Variants in FBN3 observed in about 807,000 individuals in gnomAD.
FBN3 encodes the protein fibrillin 3, also known as fibrillin-3.
In FBN3, 234 loss-of-function variants were observed where a neutral mutation model predicts 330.1. That is an observed-to-expected ratio of 0.71 (90% confidence interval 0.64 to 0.79). The LOEUF (loss-of-function observed/expected upper bound fraction) is 0.79. FBN3 is among the 30% of genes least tolerant of loss of function. The pLI, the probability that FBN3 is intolerant of heterozygous loss-of-function variation, is 0.00. For synonymous variants in FBN3, 1,458 were observed against 1,517.3 expected (o/e 0.96, Z 0.91); for missense variants, 3,606 against 3,886.9 (o/e 0.93, Z 1.92).
intron 41 of FBN3, among the ~76,000 whole-genome samples, chr19:8,097,772 TATGGG>T (rs2082242808): frequency 6.6e-6 from 1 of 152,160 alleles, no homozygotes; most frequent in Non-Finnish European, 1.5e-5. Flanking sequence ...CAGAGCAAAA[TATGGG>T]ATGTCTGTAC....
chr19:8,092,707 CAAAAAAAAAAAAAA>C (rs33973797), intron 47 of FBN3, among the ~76,000 whole-genome samples: 1 of 70,156 alleles, frequency 1.4e-5, no homozygotes, highest in Non-Finnish European at 2.7e-5. Context: ...GAGACTCCAC[CAAAAAAAAAAAAAA>C]AAAAAAAAAA....
chr19:8,136,424 C>A lies in FBN3; in HGVS notation c.1309G>T (p.Val437Leu). 1 of 1,614,142 alleles carries A rather than the reference C, an allele frequency of 6.2e-7. No individual in the cohort carries two copies. Among genetic ancestry groups the A allele is most frequent in the Non-Finnish European group, 8.5e-7 (1 of 1,180,006 alleles). Residue 437 changes from valine to leucine, a missense_variant, in exon 11 of 64, where the codon GTG (valine) becomes TTG (leucine). By Grantham distance (32) the Val-to-Leu change is conservative. Coordinates refer to ENST00000600128, the MANE Select transcript of FBN3 (RefSeq NM_032447.5). The stretch of plus-strand genomic sequence containing the variant: ...CCGCGCACGTCCTGGGTGTAGCCCA[C>A]GTTACACTCGCAGCGGTAGCTGGAA... ...TPSSYRCECN[V>L]GYTQDVRGEC...
chr19:8,144,401 AAGAG>A, intron 6 of FBN3, among the ~76,000 whole-genome samples: 1 of 151,564 alleles, frequency 6.6e-6, no homozygotes, highest in Non-Finnish European at 1.5e-5. Flanking sequence ...TCAAAAAAAA[AAGAG>A]AGAATTAGGG....
At chr19:8,082,374 C>A (rs2081816180) in intron 57 of FBN3, among the ~76,000 whole-genome samples, 1 of 143,854 alleles carries the variant, frequency 7.0e-6, no homozygotes. Flanking sequence ...TTTTTTCTTT[C>A]TTTCTCTTCT....
intron 57 of FBN3, among the ~76,000 whole-genome samples, chr19:8,082,473 C>T (rs1043030650): frequency 2.0e-5 from 2 of 100,104 alleles, no homozygotes; most frequent in East Asian, 5.0e-4. Flanking sequence ...TTCCTTCCTT[C>T]CTTCCTTCCT....
At chr19:8,128,905 G>T in intron 18 of FBN3, 123 bp downstream of exon 18, 1 of 1,181,816 alleles carries the variant, frequency 8.5e-7, no homozygotes, top group Non-Finnish European at 1.2e-6. Flanking sequence ...GCATGCGTGT[G>T]TGAATAGAGG....
intron 53 of FBN3, 85 bp from the exon 54 acceptor site, chr19:8,087,296 G>A (rs371821273): frequency 7.0e-7 from 1 of 1,437,676 alleles, no homozygotes. Context: ...CGTCAGCCCT[G>A]TGGGACCTGA....
Position 8,117,473 on chromosome 19 carries a change from C to A in FBN3, c.3454G>T (p.Gly1152Cys). The change falls in exon 27 of 64, where the codon GGC becomes TGC. Residue 1152 changes from glycine to cysteine, a missense_variant. Transcript: ENST00000600128. ...AGFQSTPDRQ[G>C]CVDINECRVQ... ...GTGGGCACAGTCTCACCCACGCAGC[C>A]CTGGCGGTCAGGTGTGCTCTGGAAG... 1 of 1,561,330 alleles carries A rather than the reference C, an allele frequency of 6.4e-7. No homozygotes were observed. The highest frequency in any genetic ancestry group is 8.7e-7 in the Non-Finnish European group (1 of 1,152,316).
At chr19:8,086,749 T>C in intron 54 of FBN3, among the ~76,000 whole-genome samples, 1 of 151,740 alleles carries the variant, frequency 6.6e-6, no homozygotes, top group African/African-American at 2.4e-5. Context: ...ATTACAGGCG[T>C]GAGGCACCGT....
At chr19:8,073,000 T>TGTGTGTGTGC (rs1268154685) in intron 62 of FBN3, 63 bp downstream of exon 62, 5 of 916,244 alleles carry the variant, frequency 5.5e-6, no homozygotes, top group African/African-American at 3.4e-5. Flanking sequence ...TGTGTGTGTG[T>TGTGTGTGTGC]GTGCGTGCGT....
At chr19:8,095,789 T>C (rs1246674238) in intron 45 of FBN3, among the ~76,000 whole-genome samples, 175 bp downstream of exon 45, 1 of 152,232 alleles carries the variant, frequency 6.6e-6, no homozygotes, top group African/African-American at 2.4e-5. Context: ...TACTTCAAAA[T>C]ATTTTCTAAT....
In FBN3 at chr19:8,131,699, G is replaced by T. The variant is rs372456185; in HGVS notation, c.1845C>A (p.His615Gln). ...GTDGRVCVDT[H>Q]VRSTCYGAIE... Reference sequence around the variant, plus strand: ...TGGCCCCATAGCAGGTGCTGCGCACGTGGGTGTCCACGCACACGCGGCCAT... The same window carrying T: ...TGGCCCCATAGCAGGTGCTGCGCACTTGGGTGTCCACGCACACGCGGCCAT... The change falls in exon 15 of 64, where the codon CAC (histidine) becomes CAA (glutamine). Residue 615 changes from histidine (H) to glutamine (Q), a missense_variant. Coordinates refer to ENST00000600128, the MANE Select transcript of FBN3 (RefSeq NM_032447.5). This position sits in a 1 kb window ranked among gnomAD's most constrained non-coding sequence, Gnocchi z 4.5. The T allele has an allele frequency of 7.4e-6, 12 of 1,614,120 alleles. No homozygotes were observed. Among genetic ancestry groups the T allele is most frequent in the Non-Finnish European group, 1.0e-5 (12 of 1,180,020 alleles).
At chr19:8,120,329 C>A (rs9676367) in intron 25 of FBN3, among the ~76,000 whole-genome samples, 1 of 150,992 alleles carries the variant, frequency 6.6e-6, no homozygotes, top group Non-Finnish European at 1.5e-5. Context: ...GCCACCACAC[C>A]CAGCTAATTT....
At chr19:8,114,526 G>A (rs2082664643) in intron 30 of FBN3, among the ~76,000 whole-genome samples, 1 of 152,010 alleles carries the variant, frequency 6.6e-6, no homozygotes, top group Non-Finnish European at 1.5e-5. Flanking sequence ...GGGATTACAG[G>A]TGTGAGCTAC....
Position 8,109,405 on chromosome 19 carries a change from G to A in FBN3, c.4457-17C>T. On this transcript the variant is annotated splice_polypyrimidine_tract_variant and intron_variant, in intron 35 of 63. Coordinates refer to ENST00000600128, the MANE Select transcript of FBN3 (RefSeq NM_032447.5). The surrounding 1 kb of genome is among the most constrained non-coding windows in gnomAD (Gnocchi z 5.2). ...CCCGAGTGTCTGAACAGGCAGAAGG[G>A]GATGGTTAGTAGGTGTCAGAGGGAA... The A allele has an allele frequency of 6.2e-7, 1 of 1,614,086 alleles. No homozygotes were observed. The highest frequency in any genetic ancestry group is 1.1e-5 in the South Asian group (1 of 91,068).
chr19:8,103,464 C>T (rs1029440088), intron 39 of FBN3, 98 bp downstream of exon 39: 24 of 1,272,302 alleles, frequency 1.9e-5, no homozygotes, highest in Non-Finnish European at 2.6e-5. Flanking sequence ...TATATGCTTA[C>T]CCTCCCTCTC....
chr19:8,065,610 A>C lies in FBN3; in HGVS notation c.*309T>G. On this transcript the variant is annotated 3_prime_UTR_variant, in exon 64 of 64. Transcript: ENST00000600128. ...CAGGGCAAGCCACAGTGCAGTACAG[A>C]AGTGAAAGCCTGAGATTGGCCAGAC... 2.5e-6 allele frequency: 1 copy of C among 398,362 alleles called. No homozygotes were observed. The highest frequency in any genetic ancestry group is 4.5e-6 in the Non-Finnish European group (1 of 222,650). 24.7% of individuals were successfully genotyped at this position (398,362 alleles called of 1,614,324 possible).
chr19:8,111,918 G>T (rs1324867903), intron 31 of FBN3, 59 bp downstream of exon 31: 3 of 708,444 alleles, frequency 4.2e-6, no homozygotes, highest in Non-Finnish European at 5.5e-6. Context: ...GCCCCCCACC[G>T]CCTTGCCCCC....
Position 8,089,649 on chromosome 19 carries a change from T to C in FBN3, c.6272A>G (p.Asn2091Ser). 1.2e-6 allele frequency: 2 copies of C among 1,614,048 alleles called. No individual in the cohort carries two copies. The highest frequency in any genetic ancestry group is 1.7e-6 in the Non-Finnish European group (2 of 1,179,984). Residue 2091 changes from asparagine to serine, a missense_variant, in exon 51 of 64, where the codon AAC becomes AGC. Physicochemically the swap from Asn to Ser is conservative, Grantham distance 46 (BLOSUM62 1). Coordinates refer to ENST00000600128, the MANE Select transcript of FBN3 (RefSeq NM_032447.5). The stretch of plus-strand genomic sequence containing the variant: ...GACGCCGTTAGTGCAGACGCCAGGG[T>C]TCTCTGCACACTCATTCACGTCTGC... ...SREDVNECAE[N>S]PGVCTNGVCV...
Sources: allele counts gnomAD v4.1 joint callset (sites outside exome capture counted in the v4.1 genomes callset), GRCh38; gene constraint gnomAD v4.1.1; non-coding constraint Gnocchi (gnomAD v3.1); transcripts MANE v1.5; gene names NCBI Gene and HGNC (gene_info 2026-07-23, HGNC 2026-07-21).